Variants in AKAP6 observed in about 807,000 individuals in gnomAD.
AKAP6 encodes the protein A-kinase anchoring protein 6.
AKAP6 carries 58 observed loss-of-function variants against 188.5 expected under a neutral mutation model. The observed-to-expected ratio is 0.31, with a 90% confidence interval of 0.25 to 0.38. AKAP6 has a LOEUF of 0.38. Among genes scored for constraint, AKAP6 ranks in the 10% least tolerant of loss-of-function variants. The pLI is 1.00. For missense variants in AKAP6, 2,710 were observed against 2,740.0 expected, an observed-to-expected ratio of 0.99 and a Z score of 0.24; for synonymous variants, 989 against 998.6, an observed-to-expected ratio of 0.99 and a Z score of 0.18.
At chr14:32,515,334 A>G (rs1881466123) in intron 2 of AKAP6, among the ~76,000 whole-genome samples, 1 of 152,184 alleles carries the variant, frequency 6.6e-6, no homozygotes. Flanking sequence ...TTACAATTCA[A>G]GGTGAATTTT....
intron 1 of AKAP6, among the ~76,000 whole-genome samples, chr14:32,387,499 A>G (rs1431457638): frequency 2.0e-5 from 3 of 148,164 alleles, no homozygotes; most frequent in Non-Finnish European, 4.5e-5. Flanking sequence ...TTTATATATT[A>G]TGATATTTAT....
In AKAP6 at chr14:32,615,167, C is replaced by CAAAAAAAA. The variant is rs71115086; in HGVS notation, c.2730+14387_2730+14394dup. 4.3e-3 allele frequency among the ~76,000 whole-genome samples: 232 copies of CAAAAAAAA among 53,458 alleles called. 28 individuals carry two copies. The highest frequency in any genetic ancestry group is 0.013 in the South Asian group (15 of 1,144). The allele number at this position is 53,458 out of a possible 152,430, so 35.1% of individuals were successfully genotyped here. On this transcript the variant is annotated intron_variant, in intron 7 of 13. Coordinates refer to ENST00000280979, the MANE Select transcript of AKAP6 (RefSeq NM_004274.5). ...CTGGCAACAGAGCAAGACTCTGTCT[C>CAAAAAAAA]AAAAAAAAAAAAAAAAAAAGATAAA...
intron 7 of AKAP6, among the ~76,000 whole-genome samples, chr14:32,645,351 T>C (rs1374585351): frequency 6.6e-6 from 1 of 152,238 alleles, no homozygotes; most frequent in Admixed American, 6.5e-5. Flanking sequence ...TTGCATTTAT[T>C]TTCCCATCAT....
At chr14:32,542,114 A>G (rs77299204) in intron 3 of AKAP6, among the ~76,000 whole-genome samples, 5,454 of 152,274 alleles carry the variant, frequency 0.036, 147 homozygotes, top group East Asian at 0.072. Context: ...CCCCTATGGC[A>G]TGGCTTATCA....
At chr14:32,531,841 G>A (rs979040399) in intron 2 of AKAP6, among the ~76,000 whole-genome samples, 1 of 152,160 alleles carries the variant, frequency 6.6e-6, no homozygotes, top group Non-Finnish European at 1.5e-5. Context: ...AAAAACTGCT[G>A]CATAGTGTAT....
chr14:32,546,770 C>T lies in AKAP6; in HGVS notation c.2117C>T (p.Ser706Phe). Residue 706 changes from serine to phenylalanine, a missense_variant, in exon 4 of 14, where the codon TCT (serine) becomes TTT (phenylalanine). Physicochemically the swap from Ser to Phe is radical, Grantham distance 155. Transcript: ENST00000280979. ...VSPSSSSDIASSLGESIESGP... is the reference protein window; with the variant it reads ...VSPSSSSDIAFSLGESIESGP... ...CCAAGCTCATCTAGTGACATAGCCT[C>T]TTCACTAGGGGAGAGCATTGAATCT... 6.2e-7 allele frequency: 1 copy of T among 1,614,136 alleles called. No homozygotes were observed.
intron 2 of AKAP6, among the ~76,000 whole-genome samples, chr14:32,492,355 T>TAGAG (rs1555333490): frequency 6.7e-4 from 55 of 82,534 alleles, no homozygotes; most frequent in African/African-American, 8.6e-4. Context: ...TATATATATA[T>TAGAG]AGAGAGAGAG....
At position 32,832,527 on chromosome 14, in the gene AKAP6, T is replaced by G. The variant is rs964109122; in HGVS notation, c.*2722T>G. The G allele has an allele frequency of 2.0e-4, 30 of 151,184 alleles. No individual in the cohort carries two copies. The highest frequency in any genetic ancestry group is 5.8e-4 in the African/African-American group (24 of 41,380). 9.4% of individuals were successfully genotyped at this position (151,184 alleles called of 1,614,324 possible). A position where few individuals can be genotyped will look rare whatever the true frequency, so the allele number is the denominator to read the frequency against. On this transcript the variant is annotated 3_prime_UTR_variant, in exon 14 of 14. Transcript: ENST00000280979. ...ACTTTCAGGTTTGTTGAACAATGCC[T>G]TTTCAGGTTGGAAGAAGAAAAATAG...
intron 1 of AKAP6, among the ~76,000 whole-genome samples, chr14:32,417,356 A>C (rs900033483): frequency 6.6e-6 from 1 of 152,154 alleles, no homozygotes; most frequent in Non-Finnish European, 1.5e-5. Context: ...GATCCCTATG[A>C]AACGATAGGC....
In AKAP6 at chr14:32,473,369, A is replaced by G. The variant is rs562634455; in HGVS notation, c.324+39552A>G. Among the ~76,000 whole-genome samples the G allele has an allele frequency of 9.2e-5, 14 of 152,322 alleles. No individual in the cohort carries two copies. In the East Asian group the frequency reaches 2.5e-3, roughly 27 times the overall value. On this transcript the variant is annotated intron_variant, in intron 2 of 13. Transcript: ENST00000280979. ...GAATTACATGTTTGAAAACTAGAAAATGAGAAGTAGAAGCCAGATGAAATT... is the reference window on the plus strand; with the variant it reads ...GAATTACATGTTTGAAAACTAGAAAGTGAGAAGTAGAAGCCAGATGAAATT...
At chr14:32,510,364 AT>A (rs1484546330) in intron 2 of AKAP6, among the ~76,000 whole-genome samples, 1 of 113,526 alleles carries the variant, frequency 8.8e-6, no homozygotes, top group Non-Finnish European at 1.8e-5. Flanking sequence ...ACATATATAT[AT>A]GTGTATATAT....
chr14:32,737,256 A>G (rs1013450614), intron 11 of AKAP6, among the ~76,000 whole-genome samples: 4 of 151,934 alleles, frequency 2.6e-5, no homozygotes, highest in African/African-American at 7.3e-5. Context: ...GCACCTTTTT[A>G]TTGTTTTTAA....
chr14:32,667,999 C>T (rs1026352555), intron 7 of AKAP6, among the ~76,000 whole-genome samples: 1 of 152,082 alleles, frequency 6.6e-6, no homozygotes, highest in Non-Finnish European at 1.5e-5. Flanking sequence ...TCCTATTATA[C>T]ATCTTTGATG....
At chr14:32,741,941 A>G (rs534221368) in intron 11 of AKAP6, among the ~76,000 whole-genome samples, 155 of 147,818 alleles carry the variant, frequency 1.0e-3, no homozygotes, top group African/African-American at 3.7e-3. Flanking sequence ...TAATTTTAGT[A>G]GGATTGGTAT....
rs775714174 is a variant in AKAP6, at chr14:32,824,727, A to G, written c.6914A>G (p.Asn2305Ser). Residue 2305 changes from asparagine to serine, a missense_variant, in exon 13 of 14, where the codon AAT (asparagine) becomes AGT (serine). Transcript: ENST00000280979. Reference sequence around the variant, plus strand: ...CCCAAAACTTTAACCTGTGAAGAAAATCTTCTAAACCTTCATGAAAAACGA... The same window carrying G: ...CCCAAAACTTTAACCTGTGAAGAAAGTCTTCTAAACCTTCATGAAAAACGA... The part of the protein sequence containing the change: ...PSPKTLTCEE[N>S]LLNLHEKRHR... 9.3e-6 allele frequency: 15 copies of G among 1,613,334 alleles called. No homozygotes were observed. The highest frequency in any genetic ancestry group is 4.4e-5 in the South Asian group (4 of 90,922).
At chr14:32,555,834 A>G (rs1183913254) in intron 4 of AKAP6, among the ~76,000 whole-genome samples, 1 of 152,144 alleles carries the variant, frequency 6.6e-6, no homozygotes, top group Non-Finnish European at 1.5e-5. Context: ...TTGTTTATCC[A>G]TTCATCTGCC....
At chr14:32,663,549 T>C (rs959480296) in intron 7 of AKAP6, among the ~76,000 whole-genome samples, 1 of 152,094 alleles carries the variant, frequency 6.6e-6, no homozygotes, top group African/African-American at 2.4e-5. Flanking sequence ...ACACTTAAAC[T>C]GAAACTTAAA....
chr14:32,729,535 T>A (rs1189085431), intron 9 of AKAP6, among the ~76,000 whole-genome samples: 1 of 152,176 alleles, frequency 6.6e-6, no homozygotes, highest in Middle Eastern at 3.4e-3. Context: ...TTTTTAAAAG[T>A]TTTTCTTTGT....
chr14:32,740,490 A>T (rs1312512741), intron 11 of AKAP6, among the ~76,000 whole-genome samples: 1 of 151,964 alleles, frequency 6.6e-6, no homozygotes, highest in Admixed American at 6.6e-5. Flanking sequence ...TTCTTGTATT[A>T]GTTTCATAGT....
Sources: gnomAD v4.1 joint callset for allele counts (sites outside exome capture counted in the v4.1 genomes callset) on GRCh38, gnomAD v4.1.1 for gene constraint, MANE v1.5 for transcripts, NCBI Gene and HGNC (gene_info 2026-07-23, HGNC 2026-07-21) for gene names.